NCKAP5: variants seen among roughly 807,000 people sequenced by gnomAD.
NCKAP5 encodes the protein nck-associated protein 5.
In NCKAP5, 92 loss-of-function variants were observed where a neutral mutation model predicts 167.0. The observed-to-expected ratio is 0.55, with a 90% CI of 0.47 to 0.66. The LOEUF is 0.66. NCKAP5 is among the 30% of genes least tolerant of loss of function. The probability of loss-of-function intolerance (pLI) is 0.00; values close to 1 mark genes in which losing one functional copy is unlikely to be tolerated. For missense variants in NCKAP5, 2,378 were observed against 2,315.0 expected (o/e 1.03, Z -0.56); for synonymous variants, 891 against 877.4 (o/e 1.02, Z -0.27).
At chr2:133,214,667 A>T (rs1394277011) in intron 4 of NCKAP5, among the ~76,000 whole-genome samples, 1 of 152,142 alleles carries the variant, frequency 6.6e-6, no homozygotes, top group Non-Finnish European at 1.5e-5. Context: ...AAAATAATTG[A>T]TTAGATGTCA....
rs78482156 is a variant in NCKAP5, at chr2:132,849,232, G to A, written c.807+11260C>T. Among the ~76,000 whole-genome samples the A allele has an allele frequency of 1.0e-3, 159 of 152,218 alleles. 3 individuals are homozygous for A. Among genetic ancestry groups the A allele is most frequent in the African/African-American group, 3.8e-3 (156 of 41,510 alleles). On this transcript the variant is annotated intron_variant, in intron 11 of 19. Transcript: ENST00000409261. ...GATACTCAAAGGATTCTGTGATCCA[G>A]CCATGGCTCCCCCTCTTTTTGAAAG...
rs186355418 is a variant in NCKAP5, at chr2:132,884,072, T to G, written c.580-5156A>C. 1.7e-3 allele frequency among the ~76,000 whole-genome samples: 266 copies of G among 152,316 alleles called. 1 individual carries two copies. Among genetic ancestry groups the G allele is most frequent in the Non-Finnish European group, 3.4e-3 (230 of 68,022 alleles). On this transcript the variant is annotated intron_variant, in intron 8 of 19. Coordinates refer to ENST00000409261, the MANE Select transcript of NCKAP5 (RefSeq NM_207363.3). ...TCCAGAACTCCTCAAACACTGTTTC[T>G]TCTTCAGGTTACAGTTTTGATCCTT...
chr2:133,046,909 C>T (rs1156647555), intron 6 of NCKAP5, among the ~76,000 whole-genome samples: 1 of 152,204 alleles, frequency 6.6e-6, no homozygotes, highest in African/African-American at 2.4e-5. Flanking sequence ...TGTATCCAGA[C>T]ATCCTTGAAC....
upstream of NCKAP5, among the ~76,000 whole-genome samples, chr2:133,569,268 GT>G (rs1688763839): frequency 6.6e-6 from 1 of 151,782 alleles, no homozygotes; most frequent in Non-Finnish European, 1.5e-5. Context: ...AGTTTTTACA[GT>G]TATCTCCCCT....
At chr2:133,141,331 T>G (rs73000809) in intron 5 of NCKAP5, among the ~76,000 whole-genome samples, 4,810 of 152,080 alleles carry the variant, frequency 0.032, 250 homozygotes, top group African/African-American at 0.11. Context: ...ACAAAGCCAT[T>G]TATAATTCTA....
intron 3 of NCKAP5, among the ~76,000 whole-genome samples, chr2:133,497,572 T>C (rs953152513): frequency 6.6e-6 from 1 of 152,172 alleles, no homozygotes; most frequent in African/African-American, 2.4e-5. Flanking sequence ...CCCTTCACTT[T>C]CCAAGACATT....
chr2:133,317,832 G>T (rs1681726407), intron 3 of NCKAP5, among the ~76,000 whole-genome samples: 1 of 152,182 alleles, frequency 6.6e-6, no homozygotes, highest in South Asian at 2.1e-4. Context: ...GGACCCATCT[G>T]GCTGGCAATC....
At chr2:133,310,684 G>A (rs1301051984) in intron 3 of NCKAP5, among the ~76,000 whole-genome samples, 1 of 152,132 alleles carries the variant, frequency 6.6e-6, no homozygotes, top group Non-Finnish European at 1.5e-5. Context: ...CTTTCGAGTA[G>A]GCCATCCTTC....
At chr2:132,845,160 A>T (rs1176476883) in intron 11 of NCKAP5, among the ~76,000 whole-genome samples, 1 of 151,934 alleles carries the variant, frequency 6.6e-6, no homozygotes, top group African/African-American at 2.4e-5. Flanking sequence ...CTTCATTTTA[A>T]CTCATAAGAA....
intron 11 of NCKAP5, among the ~76,000 whole-genome samples, chr2:132,847,039 G>T (rs1688712867): frequency 6.6e-6 from 1 of 152,072 alleles, no homozygotes; most frequent in South Asian, 2.1e-4. Flanking sequence ...AATATTGTAT[G>T]CTTTCAACTG....
intron 19 of NCKAP5, among the ~76,000 whole-genome samples, chr2:132,719,304 A>G (rs1689683073): frequency 1.3e-5 from 2 of 152,246 alleles, no homozygotes; most frequent in Non-Finnish European, 2.9e-5. Flanking sequence ...GTCATTTAAA[A>G]TATTTTAAAC....
Position 132,728,845 on chromosome 2 carries a change from C to A in NCKAP5, c.5551G>T (p.Gly1851Trp). 1 of 1,613,898 alleles carries A rather than the reference C, an allele frequency of 6.2e-7. No homozygotes were observed. Among genetic ancestry groups the A allele is most frequent in the Non-Finnish European group, 8.5e-7 (1 of 1,179,854 alleles). Reference sequence around the variant, plus strand: ...GTCCCGGTGGCAGCAACTTCACTCCCCCAGTCTGGAAGCGGCTGGCTTGCC... The same window carrying A: ...GTCCCGGTGGCAGCAACTTCACTCCACCAGTCTGGAAGCGGCTGGCTTGCC... ...PMASQPLPDW[G>W]SEVAATGTQD... Residue 1851 changes from glycine to tryptophan, a missense_variant, in exon 18 of 20, where the codon GGG (glycine) becomes TGG (tryptophan). Gly to Trp is a radical substitution (Grantham distance 184). Around this residue, in one of 3 missense-constraint regions of NCKAP5, gnomAD observed 1,325 missense variants for 1,274.5 expected, o/e 1.04. Transcript: ENST00000409261.
chr2:133,294,562 C>G (rs939170599), intron 4 of NCKAP5, among the ~76,000 whole-genome samples: 2 of 152,218 alleles, frequency 1.3e-5, no homozygotes, highest in African/African-American at 2.4e-5. Flanking sequence ...AGCAATTTCT[C>G]TCTCTCAATT....
At chr2:133,269,063 C>T (rs2089388316) in intron 4 of NCKAP5, 1 of 152,178 alleles carries the variant, frequency 6.6e-6, no homozygotes, top group Non-Finnish European at 1.5e-5. Flanking sequence ...TGTGTTATTT[C>T]CTAGCTTGGT....
intron 5 of NCKAP5, among the ~76,000 whole-genome samples, chr2:133,190,706 C>G (rs972332381): frequency 6.6e-6 from 1 of 152,124 alleles, no homozygotes; most frequent in Admixed American, 6.5e-5. Flanking sequence ...CTGGAAAAAA[C>G]TGGCTAGCCA....
At chr2:133,150,822 A>G (rs2083361811) in intron 5 of NCKAP5, among the ~76,000 whole-genome samples, 1 of 152,204 alleles carries the variant, frequency 6.6e-6, no homozygotes, top group Admixed American at 6.5e-5. Context: ...AAGAGCCCCA[A>G]AATGGAAACA....
At chr2:133,281,375 T>A (rs2089930085) in intron 4 of NCKAP5, among the ~76,000 whole-genome samples, 1 of 152,224 alleles carries the variant, frequency 6.6e-6, no homozygotes, top group African/African-American at 2.4e-5. Flanking sequence ...TTTATTTTTA[T>A]GAACTAGGAC....
the NCKAP5 span, among the ~76,000 whole-genome samples, chr2:133,648,956 C>G: frequency 6.6e-6 from 1 of 150,752 alleles, no homozygotes; most frequent in African/African-American, 2.4e-5. Flanking sequence ...ACAAAACTAA[C>G]AGTTATGTTT....
chr2:133,465,355 T>A (rs1328504535), intron 3 of NCKAP5, among the ~76,000 whole-genome samples: 1 of 152,072 alleles, frequency 6.6e-6, no homozygotes, highest in Non-Finnish European at 1.5e-5. Context: ...TTTTTATGGC[T>A]GCATAGTATT....
Sources: gnomAD v4.1 joint callset for allele counts (sites outside exome capture counted in the v4.1 genomes callset) on GRCh38, gnomAD v4.1.1 for gene constraint, gnomAD v4.1.1 regional missense constraint, MANE v1.5 for transcripts, NCBI Gene and HGNC (gene_info 2026-07-23, HGNC 2026-07-21) for gene names.